The following OXR1 variants were observed in gnomAD, a reference collection of about 807,000 sequenced individuals.
The protein encoded by OXR1 is oxidation resistance protein 1.
In OXR1, 41 loss-of-function variants were observed where a neutral mutation model predicts 104.6. The ratio of observed to expected loss-of-function variants is 0.39; its 90% confidence interval spans 0.31 to 0.51. The LOEUF (loss-of-function observed/expected upper bound fraction) is 0.51. Ranked by LOEUF, OXR1 falls within the 20% of genes least tolerant of loss-of-function variation. OXR1 has a pLI of 0.77. For synonymous variants in OXR1, 348 were observed against 348.4 expected (o/e 1.00, Z 0.01); for missense variants, 955 against 1,031.9 (o/e 0.93, Z 1.02).
At chr8:106,413,062 A>T (rs1818524230) in intron 2 of OXR1, among the ~76,000 whole-genome samples, 1 of 152,110 alleles carries the variant, frequency 6.6e-6, no homozygotes. Context: ...TTGGCAAATA[A>T]CCAAGGAAAA....
intron 3 of OXR1, among the ~76,000 whole-genome samples, chr8:106,659,223 T>G (rs1825493722): frequency 6.6e-6 from 1 of 152,212 alleles, no homozygotes; most frequent in African/African-American, 2.4e-5. Flanking sequence ...CCTTCCCAAG[T>G]GCTGGGATTA....
chr8:106,396,103 A>C (rs941879311), intron 2 of OXR1, among the ~76,000 whole-genome samples: 1 of 152,040 alleles, frequency 6.6e-6, no homozygotes, highest in Non-Finnish European at 1.5e-5. Flanking sequence ...ACATACATAC[A>C]TAAATACATA....
chr8:106,624,721 A>T (rs1487768635), intron 3 of OXR1, among the ~76,000 whole-genome samples: 3 of 152,126 alleles, frequency 2.0e-5, no homozygotes, highest in Non-Finnish European at 4.4e-5. Flanking sequence ...ACTGTAAAAA[A>T]CCTTTGACAT....
At chr8:106,462,053 G>A (rs1820944125) in intron 2 of OXR1, among the ~76,000 whole-genome samples, 1 of 152,024 alleles carries the variant, frequency 6.6e-6, no homozygotes, top group Admixed American at 6.6e-5. Context: ...TTTCTAATAT[G>A]TTTAAGATGA....
chr8:106,509,382 A>C (rs944458349), intron 2 of OXR1, among the ~76,000 whole-genome samples: 1 of 152,232 alleles, frequency 6.6e-6, no homozygotes, highest in Non-Finnish European at 1.5e-5. Flanking sequence ...AAAGCACATG[A>C]GGGAAAACCC....
At position 106,726,383 on chromosome 8, in the gene OXR1, A is replaced by G. The variant is rs891608081; in HGVS notation, c.1957-11137A>G. ...TGGTGACATTATGAAAAATTATACA[A>G]TTTCTGAAAGTTTAAGCATAGAGGA... On this transcript the variant is annotated intron_variant, in intron 11 of 16. Coordinates refer to ENST00000517566, the MANE Select transcript of OXR1 (RefSeq NM_001198533.2). 3.3e-5 allele frequency: 27 copies of G among 823,190 alleles called. No homozygotes were observed. In the East Asian group the frequency reaches 7.6e-4, roughly 23 times the overall value. The allele number at this position is 823,190 out of a possible 1,614,324, so 51.0% of individuals were successfully genotyped here.
chr8:106,737,642 C>G, intron 12 of OXR1, 42 bp downstream of exon 12: 1 of 747,802 alleles, frequency 1.3e-6, no homozygotes, highest in Non-Finnish European at 1.9e-6. Context: ...AGACTAAATA[C>G]TCCCTGTTTT....
chr8:106,524,979 T>G (rs1027098275), intron 3 of OXR1, among the ~76,000 whole-genome samples: 5 of 152,204 alleles, frequency 3.3e-5, no homozygotes, highest in Non-Finnish European at 5.9e-5. Flanking sequence ...CCTCCTGTTT[T>G]CTTGTGTTGG....
chr8:106,650,276 G>C (rs1055075879), intron 3 of OXR1, among the ~76,000 whole-genome samples: 14 of 152,152 alleles, frequency 9.2e-5, no homozygotes, highest in African/African-American at 3.4e-4. Context: ...GGAACCTGAG[G>C]GAGAGAGAGG....
intron 3 of OXR1, among the ~76,000 whole-genome samples, chr8:106,649,807 C>T (rs1372018352): frequency 5.3e-5 from 8 of 152,052 alleles, no homozygotes; most frequent in African/African-American, 1.9e-4. Flanking sequence ...CGCCATTCTC[C>T]TGCCTCAGCC....
chr8:106,703,696 C>T (rs947147204), intron 8 of OXR1, among the ~76,000 whole-genome samples: 1 of 151,104 alleles, frequency 6.6e-6, no homozygotes, highest in Non-Finnish European at 1.5e-5. Context: ...ACAGTTTGGA[C>T]ACAGCTTTTG....
intron 15 of OXR1, among the ~76,000 whole-genome samples, chr8:106,743,025 A>C (rs948753740): frequency 1.3e-5 from 2 of 152,200 alleles, no homozygotes; most frequent in Admixed American, 1.3e-4. Flanking sequence ...AATAGGAGAA[A>C]ATTTTTGCAA....
rs1247764703 is a variant in OXR1 at position 106,584,044 on chromosome 8, ATTC to A, written c.220+64908_220+64910del. The stretch of plus-strand genomic sequence containing the variant: ...GGAAGAAAGAAAACCATCTAAAGAG[ATTC>A]TTAGCATTCTCAAAAGGATAAAATA... On this transcript the variant is annotated intron_variant, in intron 3 of 16. Transcript: ENST00000517566. 1.1e-4 allele frequency among the ~76,000 whole-genome samples: 16 copies of A among 152,292 alleles called. No homozygotes were observed. The South Asian group carries it at 2.7e-3, about 26-fold the overall frequency.
chr8:106,414,021 C>A (rs1343766654), intron 2 of OXR1, among the ~76,000 whole-genome samples: 2 of 152,240 alleles, frequency 1.3e-5, no homozygotes. Flanking sequence ...AGCCACTGCA[C>A]GCAGACTGCT....
intron 2 of OXR1, among the ~76,000 whole-genome samples, chr8:106,441,429 A>G (rs970294287): frequency 1.1e-4 from 16 of 152,078 alleles, no homozygotes; most frequent in Non-Finnish European, 1.5e-4. Flanking sequence ...GAAATTTAAA[A>G]TAGTTTTTTC....
At chr8:106,491,732 G>A (rs549641401) in intron 2 of OXR1, among the ~76,000 whole-genome samples, 2 of 152,238 alleles carry the variant, frequency 1.3e-5, no homozygotes, top group African/African-American at 2.4e-5. Flanking sequence ...CCTAATGTGT[G>A]TGACTTCTGG....
At chr8:106,494,379 C>A (rs953589364) in intron 2 of OXR1, among the ~76,000 whole-genome samples, 9 of 152,214 alleles carry the variant, frequency 5.9e-5, no homozygotes, top group Middle Eastern at 3.4e-3. Flanking sequence ...TGGCTTTTCC[C>A]TATTTTTTAA....
intron 3 of OXR1, among the ~76,000 whole-genome samples, chr8:106,652,638 A>G (rs1185124249): frequency 6.6e-6 from 1 of 150,732 alleles, no homozygotes; most frequent in Non-Finnish European, 1.5e-5. Context: ...GTAAAAACCT[A>G]TATTATTAAA....
intron 2 of OXR1, among the ~76,000 whole-genome samples, chr8:106,391,709 A>G (rs1410313412): frequency 6.6e-6 from 1 of 152,160 alleles, no homozygotes; most frequent in Non-Finnish European, 1.5e-5. Flanking sequence ...CTTAGCATAC[A>G]GATTTAAAAT....
Sources: allele counts gnomAD v4.1 joint callset (sites outside exome capture counted in the v4.1 genomes callset), GRCh38; gene constraint gnomAD v4.1.1; transcripts MANE v1.5; gene names NCBI Gene and HGNC (gene_info 2026-07-23, HGNC 2026-07-21).